DOCK8: variants seen among roughly 807,000 people sequenced by gnomAD.
DOCK8 encodes the protein dedicator of cytokinesis protein 8.
A neutral mutation model predicts 245.6 loss-of-function variants in DOCK8; 141 were observed. That is an observed-to-expected ratio of 0.57 (90% confidence interval 0.50 to 0.66). The LOEUF is 0.66. Among genes scored for constraint, DOCK8 ranks in the 30% least tolerant of loss-of-function variants. DOCK8 has a pLI of 0.00. For missense variants in DOCK8, 2,965 were observed against 2,603.4 expected (o/e 1.14, Z -3.02); for synonymous variants, 1,168 against 970.2 (o/e 1.20, Z -3.79).
upstream of DOCK8, chr9:214,258 G>T: frequency 2.1e-6 from 1 of 483,170 alleles, no homozygotes; most frequent in Non-Finnish European, 3.6e-6. Context: ...CCCTTGAATC[G>T]CAAGAACGCC....
chr9:376,862 C>G (rs1223337834), intron 19 of DOCK8, 115 bp from the exon 20 acceptor site: 25 of 948,084 alleles, frequency 2.6e-5, no homozygotes, highest in Admixed American at 8.0e-5. Context: ...ACCTTCTGGT[C>G]TGAAACGCTG....
chr9:413,622 A>G (rs2055856004), intron 28 of DOCK8, among the ~76,000 whole-genome samples: 2 of 152,256 alleles, frequency 1.3e-5, no homozygotes, highest in South Asian at 4.1e-4. Context: ...ATTTCTCCAA[A>G]GAAGATACAG....
chr9:420,895 C>T, intron 31 of DOCK8, 54 bp from the exon 32 acceptor site: 5 of 1,608,924 alleles, frequency 3.1e-6, no homozygotes, highest in Non-Finnish European at 4.3e-6. Context: ...GTAACTCTCC[C>T]CATCAACGGA....
chr9:338,597 TG>T (rs1256956549), intron 12 of DOCK8, among the ~76,000 whole-genome samples: 1 of 152,164 alleles, frequency 6.6e-6, no homozygotes, highest in Admixed American at 6.5e-5. Context: ...TCGAGACAAA[TG>T]TGAAGAAAAT....
chr9:272,293 A>G (rs2048185303), intron 2 of DOCK8, among the ~76,000 whole-genome samples: 1 of 152,080 alleles, frequency 6.6e-6, no homozygotes, highest in South Asian at 2.1e-4. Flanking sequence ...TCCTCTCCCC[A>G]GGCCACACCC....
intron 1 of DOCK8, among the ~76,000 whole-genome samples, chr9:244,151 G>A (rs927402824): frequency 7.0e-6 from 1 of 143,464 alleles, no homozygotes; most frequent in Non-Finnish European, 1.5e-5. Flanking sequence ...TCGCGCCACT[G>A]CACTCCAGCC....
chr9:302,411 G>C (rs1423542390), intron 4 of DOCK8, among the ~76,000 whole-genome samples: 1 of 152,116 alleles, frequency 6.6e-6, no homozygotes. Flanking sequence ...GAAAAAAACT[G>C]GGAAATACTA....
chr9:234,664 T>C (rs938200769), intron 1 of DOCK8, among the ~76,000 whole-genome samples: 4 of 152,230 alleles, frequency 2.6e-5, no homozygotes, highest in African/African-American at 9.6e-5. Flanking sequence ...CCATCACTGA[T>C]ACCCTTTTTT....
intron 33 of DOCK8, among the ~76,000 whole-genome samples, chr9:425,491 CACTG>C (rs2056456688): frequency 6.9e-6 from 1 of 144,060 alleles, no homozygotes; most frequent in African/African-American, 2.8e-5. Context: ...AAGATTGCGC[CACTG>C]CACTCTGCAC....
intron 44 of DOCK8, among the ~76,000 whole-genome samples, 169 bp downstream of exon 44, chr9:446,775 T>G (rs1050456784): frequency 6.6e-6 from 1 of 152,224 alleles, no homozygotes; most frequent in Non-Finnish European, 1.5e-5. Flanking sequence ...AAATCCCATT[T>G]AGGCAGCTAC....
chr9:214,726 G>C (rs1003738361), upstream of DOCK8: 1 of 1,530,134 alleles, frequency 6.5e-7, no homozygotes, highest in Non-Finnish European at 8.8e-7. Flanking sequence ...TTCCGCGCTG[G>C]GCCCACGCCC....
At chr9:384,773 G>A (rs910278415) in intron 22 of DOCK8, among the ~76,000 whole-genome samples, 19 of 152,178 alleles carry the variant, frequency 1.2e-4, no homozygotes, top group African/African-American at 3.4e-4. Context: ...AAAATTAGCC[G>A]GGCGTGGTGG....
chr9:338,955 A>C (rs773212734), intron 12 of DOCK8, 51 bp from the exon 13 acceptor site: 2 of 1,516,966 alleles, frequency 1.3e-6, no homozygotes, highest in Non-Finnish European at 1.8e-6. Flanking sequence ...TTTGTCCCCA[A>C]CCCAAGAGTC....
intron 47 of DOCK8, 139 bp from the exon 48 acceptor site, chr9:464,017 CTTA>C (rs1431686306): frequency 1.2e-5 from 10 of 814,332 alleles, no homozygotes; most frequent in Admixed American, 1.8e-5. Context: ...AGACCTTTCA[CTTA>C]TTATTTGCTG....
Position 355,482 on chromosome 9 carries a change from A to G in DOCK8, c.1680-12536A>G, listed in dbSNP as rs186318540. Among the ~76,000 whole-genome samples the G allele has an allele frequency of 7.1e-3, 1,084 of 151,902 alleles. 11 individuals carry two copies. The highest frequency in any genetic ancestry group is 0.023 in the South Asian group (108 of 4,792). ...CTCCCAAAGTGCTGGGATTACAGGC[A>G]TGAGCCACCGTGCCCAGCCCAGAAT... is the stretch of plus-strand genomic sequence containing the variant. On this transcript the variant is annotated intron_variant, in intron 14 of 47. Coordinates refer to ENST00000432829, the MANE Select transcript of DOCK8 (RefSeq NM_203447.4).
At chr9:403,862 C>CTCTG (rs201762686) in intron 26 of DOCK8, among the ~76,000 whole-genome samples, 41 of 69,858 alleles carry the variant, frequency 5.9e-4, no homozygotes, top group Middle Eastern at 5.6e-3. Context: ...CTCTGTATCT[C>CTCTG]TCTCTCTCTC....
intron 1 of DOCK8, among the ~76,000 whole-genome samples, chr9:256,923 A>G (rs12235582): frequency 0.13 from 20,295 of 152,230 alleles, 1,752 homozygotes; most frequent in East Asian, 0.41. Flanking sequence ...CTTATGTCTC[A>G]TCTTTCTACT....
chr9:420,851 C>A, intron 31 of DOCK8, 98 bp from the exon 32 acceptor site: 1 of 1,531,426 alleles, frequency 6.5e-7, no homozygotes, highest in Non-Finnish European at 9.0e-7. Flanking sequence ...ACATGTCAAA[C>A]TTAGCTGGCA....
intron 1 of DOCK8, among the ~76,000 whole-genome samples, chr9:249,100 A>C (rs2047584497): frequency 6.6e-6 from 1 of 152,010 alleles, no homozygotes; most frequent in Non-Finnish European, 1.5e-5. Flanking sequence ...CACTTCCCTC[A>C]CCTGGGACTG....
Sources: allele counts gnomAD v4.1 joint callset (sites outside exome capture counted in the v4.1 genomes callset), GRCh38; gene constraint gnomAD v4.1.1; transcripts MANE v1.5; gene names NCBI Gene and HGNC (gene_info 2026-07-23, HGNC 2026-07-21).